LHX5: variants seen among roughly 807,000 people sequenced by gnomAD.
The protein encoded by LHX5 is LIM homeobox 5, also known as LIM/homeobox protein Lhx5.
A neutral mutation model predicts 30.6 loss-of-function variants in LHX5; 5 were observed. The observed-to-expected ratio is 0.16, with a 90% CI of 0.09 to 0.34. LHX5 has a LOEUF of 0.34. Ranked by LOEUF, LHX5 falls within the 10% of genes least tolerant of loss-of-function variation. LHX5 has a pLI of 1.00. For synonymous variants in LHX5, 266 were observed against 252.6 expected, an observed-to-expected ratio of 1.05 and a Z score of -0.50; for missense variants, 458 against 570.6, an observed-to-expected ratio of 0.80 and a Z score of 2.01.
chr12:113,471,793 TGCGGAGCG>T lies in LHX5; in HGVS notation c.-303_-296del. The T allele has an allele frequency of 2.5e-6, 1 of 394,998 alleles. No individual in the cohort carries two copies. The allele number at this position is 394,998 out of a possible 1,614,324, so 24.5% of individuals were successfully genotyped here. ...CTCGGGTGGCTGCTGGCCTCGGCGC[TGCGGAGCG>T]GCTTTCCCCGGTGGCGGAGGCGCCG... is the stretch of plus-strand genomic sequence containing the variant. On this transcript the variant is annotated 5_prime_UTR_variant, in exon 1 of 5. Transcript: ENST00000261731.
At position 113,463,327 on chromosome 12, in the gene LHX5, G is replaced by A; in HGVS notation, c.1072C>T (p.Pro358Ser). ...PDTPSPEPGL[P>S]GTLHPMPGEV... Reference sequence around the variant, plus strand: ...CCGGGCATGGGGTGCAGCGTGCCCGGCAGGCCTGGCTCGGGGCTCGGTGTG... The same window carrying A: ...CCGGGCATGGGGTGCAGCGTGCCCGACAGGCCTGGCTCGGGGCTCGGTGTG... The change falls in exon 5 of 5, where the codon CCG becomes TCG. Residue 358 changes from proline to serine, a missense_variant. Coordinates refer to ENST00000261731, the MANE Select transcript of LHX5 (RefSeq NM_022363.3). This position sits in a 1 kb window ranked among gnomAD's most constrained non-coding sequence, Gnocchi z 6.7. 6.5e-7 allele frequency: 1 copy of A among 1,538,494 alleles called. No homozygotes were observed. The highest frequency in any genetic ancestry group is 1.2e-5 in the South Asian group (1 of 83,490).
Position 113,463,626 on chromosome 12 carries a change from C to T in LHX5, c.842-69G>A, listed in dbSNP as rs35800617. 0.021 allele frequency: 29,638 copies of T among 1,439,518 alleles called. 432 individuals carry two copies. The highest frequency in any genetic ancestry group is 0.051 in the South Asian group (3,582 of 70,808). The allele number at this position is 1,439,518 out of a possible 1,614,324, so 89.2% of individuals were successfully genotyped here. ...GGCGAAGTAGGCGGGGGACCCGGGA[C>T]CCGGGGAGGGGACCCGGGCGGGCGA... On this transcript the variant is annotated intron_variant, in intron 4 of 4. Coordinates refer to ENST00000261731, the MANE Select transcript of LHX5 (RefSeq NM_022363.3). This position sits in a 1 kb window ranked among gnomAD's most constrained non-coding sequence, Gnocchi z 6.7.
At chr12:113,471,245 TG>T in intron 1 of LHX5, 80 bp downstream of exon 1, 4 of 1,425,052 alleles carry the variant, frequency 2.8e-6, no homozygotes, top group East Asian at 4.6e-5. Flanking sequence ...GGGATGGGGA[TG>T]GGGGTATCCC....
In LHX5 at chr12:113,463,282, G is replaced by T; in HGVS notation, c.1117C>A (p.Pro373Thr). The change falls in exon 5 of 5, where the codon CCC becomes ACC. Residue 373 changes from proline to threonine, a missense_variant. This residue lies in a region of LHX5 where 255 missense variants were observed against 246.8 expected (regional missense o/e 1.03). Transcript: ENST00000261731. This position sits in a 1 kb window ranked among gnomAD's most constrained non-coding sequence, Gnocchi z 6.7. ...PMPGEVFSGG[P>T]SPPFPMSGTS... ...CCGCTCATTGGGAAGGGCGGGCTGG[G>T]CCCGCCGCTGAATACCTCGCCGGGC... 6.6e-7 allele frequency: 1 copy of T among 1,523,022 alleles called. No homozygotes were observed. 94.3% of individuals were successfully genotyped at this position (1,523,022 alleles called of 1,614,324 possible). A position where few individuals can be genotyped will look rare whatever the true frequency, so the allele number is the denominator to read the frequency against.
rs1214129471 is a variant in LHX5 at position 113,466,797 on chromosome 12, C to T, written c.841+459G>A. Among the ~76,000 whole-genome samples, 2 of 152,166 alleles carry T rather than the reference C, an allele frequency of 1.3e-5. No individual in the cohort carries two copies. The highest frequency in any genetic ancestry group is 2.9e-5 in the Non-Finnish European group (2 of 68,034). ...GCCAAGTACACCAGGCACAGGGCGG[C>T]AGGAAGGCTGTGCGTCTGTCCGTGG... On this transcript the variant is annotated intron_variant, in intron 4 of 4. Coordinates refer to ENST00000261731, the MANE Select transcript of LHX5 (RefSeq NM_022363.3). The surrounding 1 kb of genome is among the most constrained non-coding windows in gnomAD (Gnocchi z 6.5).
rs182369246 is a variant in LHX5 at position 113,470,904 on chromosome 12, C to T, written c.173+422G>A. ...GCTGAGAAGTTTCTGTTTGGGATTGCGGCCGATGGGCTCACACATTCTGCC... is the reference window on the plus strand; with the variant it reads ...GCTGAGAAGTTTCTGTTTGGGATTGTGGCCGATGGGCTCACACATTCTGCC... On this transcript the variant is annotated intron_variant, in intron 1 of 4. Transcript: ENST00000261731. 9.0e-4 allele frequency among the ~76,000 whole-genome samples: 137 copies of T among 152,336 alleles called. 2 individuals carry two copies. The highest frequency in any genetic ancestry group is 3.2e-3 in the African/African-American group (131 of 41,582).
In LHX5 at chr12:113,463,785, G is replaced by A. The variant is rs962881959; in HGVS notation, c.842-228C>T. Among the ~76,000 whole-genome samples the A allele has an allele frequency of 1.3e-5, 2 of 152,154 alleles. No individual in the cohort carries two copies. On this transcript the variant is annotated intron_variant, in intron 4 of 4. Coordinates refer to ENST00000261731, the MANE Select transcript of LHX5 (RefSeq NM_022363.3). The surrounding 1 kb of genome is among the most constrained non-coding windows in gnomAD (Gnocchi z 6.7). ...AATGAGAGATCTCGAAAGGGCAAGAGACTCAGACTGCCAGAGACCACACAC... is the reference window on the plus strand; with the variant it reads ...AATGAGAGATCTCGAAAGGGCAAGAAACTCAGACTGCCAGAGACCACACAC...
rs116422065 is a variant in LHX5 at position 113,464,316 on chromosome 12, A to C, written c.842-759T>G. Among the ~76,000 whole-genome samples, 3,382 of 152,360 alleles carry C rather than the reference A, an allele frequency of 0.022. 132 individuals are homozygous for C. Among genetic ancestry groups the C allele is most frequent in the African/African-American group, 0.077 (3,189 of 41,592 alleles). On this transcript the variant is annotated intron_variant, in intron 4 of 4. Transcript: ENST00000261731. The surrounding 1 kb of genome is among the most constrained non-coding windows in gnomAD (Gnocchi z 6.2). ...CCGGGGAGAGGAACCGGGCAGGGAC[A>C]AACCAGCGGACAGAGCAGAGCGCGA...
In LHX5 at chr12:113,467,447, C is replaced by T. The variant is rs1958221882; in HGVS notation, c.676-26G>A. On this transcript the variant is annotated intron_variant, in intron 3 of 4. Coordinates refer to ENST00000261731, the MANE Select transcript of LHX5 (RefSeq NM_022363.3). This position sits in a 1 kb window ranked among gnomAD's most constrained non-coding sequence, Gnocchi z 6.3. ...CTGGGACAGAGGAGGGGGCTGTGAA[C>T]CCAGGATCAGGAGTGTCCTCTCCCC... 2.0e-6 allele frequency: 3 copies of T among 1,484,600 alleles called. No individual in the cohort carries two copies. The highest frequency in any genetic ancestry group is 2.7e-6 in the Non-Finnish European group (3 of 1,107,080). 92.0% of individuals were successfully genotyped at this position (1,484,600 alleles called of 1,614,324 possible).
Position 113,471,552 on chromosome 12 carries a change from C to T in LHX5, c.-54G>A. 1.3e-6 allele frequency: 2 copies of T among 1,515,000 alleles called. No homozygotes were observed. The highest frequency in any genetic ancestry group is 1.4e-5 in the African/African-American group (1 of 72,104). The allele number at this position is 1,515,000 out of a possible 1,614,324, so 93.8% of individuals were successfully genotyped here. ...CTTGCCCTCCCTTTGGGCCCCTGGC[C>T]CTCGGGCCTGCCGGGCCCTCCGCTG... On this transcript the variant is annotated 5_prime_UTR_variant, in exon 1 of 5. Coordinates refer to ENST00000261731, the MANE Select transcript of LHX5 (RefSeq NM_022363.3).
In LHX5 at chr12:113,463,362, G is replaced by A. The variant is rs1054650852; in HGVS notation, c.1037C>T (p.Ser346Leu). ...CTCGGGGCTCGGTGTGTCCGGGTGC[G>A]AGATCATGTCGGTGAACCTGGGGTT... ...ADNPRFTDMI[S>L]HPDTPSPEPG... Residue 346 changes from serine to leucine, a missense_variant, in exon 5 of 5, where the codon TCG (serine) becomes TTG (leucine). Around this residue, in one of 3 missense-constraint regions of LHX5, gnomAD observed 255 missense variants for 246.8 expected, o/e 1.03. Coordinates refer to ENST00000261731, the MANE Select transcript of LHX5 (RefSeq NM_022363.3). The surrounding 1 kb of genome is among the most constrained non-coding windows in gnomAD (Gnocchi z 6.7). 1.9e-6 allele frequency: 3 copies of A among 1,550,904 alleles called. No homozygotes were observed. Among genetic ancestry groups the A allele is most frequent in the Non-Finnish European group, 2.6e-6 (3 of 1,149,016 alleles).
rs1228067223 is a variant in LHX5 at position 113,463,072 on chromosome 12, G to A, written c.*118C>T. 6.7e-6 allele frequency: 6 copies of A among 899,988 alleles called. No homozygotes were observed. In the Admixed American group the frequency reaches 1.8e-4, roughly 27 times the overall value. 55.8% of individuals were successfully genotyped at this position (899,988 alleles called of 1,614,324 possible). A position where few individuals can be genotyped will look rare whatever the true frequency, so the allele number is the denominator to read the frequency against. On this transcript the variant is annotated 3_prime_UTR_variant, in exon 5 of 5. Transcript: ENST00000261731. This position sits in a 1 kb window ranked among gnomAD's most constrained non-coding sequence, Gnocchi z 6.7. ...CTGCCAGTTGAGTGCGGACCCGAGA[G>A]AGAACCCCCGAGGGACACCCACGTC...
chr12:113,463,672 C>G lies in LHX5; in HGVS notation c.842-115G>C, dbSNP rs1304161384. 2 of 1,143,592 alleles carry G rather than the reference C, an allele frequency of 1.7e-6. No homozygotes were observed. The highest frequency in any genetic ancestry group is 3.2e-5 in the African/African-American group (2 of 62,376). 70.8% of individuals were successfully genotyped at this position (1,143,592 alleles called of 1,614,324 possible). A position where few individuals can be genotyped will look rare whatever the true frequency, so the allele number is the denominator to read the frequency against. On this transcript the variant is annotated intron_variant, in intron 4 of 4. Coordinates refer to ENST00000261731, the MANE Select transcript of LHX5 (RefSeq NM_022363.3). The surrounding 1 kb of genome is among the most constrained non-coding windows in gnomAD (Gnocchi z 6.7). Reference sequence around the variant, plus strand: ...GGCGAGAGAGGGGAGCGCGCGACACCGACCCAAGGTTAGAGAGACCTGCGG... The same window carrying G: ...GGCGAGAGAGGGGAGCGCGCGACACGGACCCAAGGTTAGAGAGACCTGCGG...
chr12:113,470,963 T>G (rs1404425717), intron 1 of LHX5, among the ~76,000 whole-genome samples: 3 of 152,164 alleles, frequency 2.0e-5, no homozygotes, highest in African/African-American at 7.2e-5. Context: ...CTCTAACTCA[T>G]GCAAAAATCC....
Position 113,465,349 on chromosome 12 carries a change from G to A in LHX5, c.842-1792C>T, listed in dbSNP as rs1205793504. 1.3e-5 allele frequency among the ~76,000 whole-genome samples: 2 copies of A among 152,236 alleles called. No homozygotes were observed. Among genetic ancestry groups the A allele is most frequent in the East Asian group, 1.9e-4 (1 of 5,186 alleles). Reference sequence around the variant, plus strand: ...CAGCGAAGGCCGCTGCCCCCGCGCCGTGCGCGCCGCCTCCGCCCATATGGC... The same window carrying A: ...CAGCGAAGGCCGCTGCCCCCGCGCCATGCGCGCCGCCTCCGCCCATATGGC... On this transcript the variant is annotated intron_variant, in intron 4 of 4. Coordinates refer to ENST00000261731, the MANE Select transcript of LHX5 (RefSeq NM_022363.3). This position sits in a 1 kb window ranked among gnomAD's most constrained non-coding sequence, Gnocchi z 6.7.
At position 113,466,803 on chromosome 12, in the gene LHX5, G is replaced by T. The variant is rs1958217801; in HGVS notation, c.841+453C>A. Among the ~76,000 whole-genome samples the T allele has an allele frequency of 6.6e-6, 1 of 152,194 alleles. No homozygotes were observed. ...TACACCAGGCACAGGGCGGCAGGAA[G>T]GCTGTGCGTCTGTCCGTGGGGGCCG... On this transcript the variant is annotated intron_variant, in intron 4 of 4. Coordinates refer to ENST00000261731, the MANE Select transcript of LHX5 (RefSeq NM_022363.3). The surrounding 1 kb of genome is among the most constrained non-coding windows in gnomAD (Gnocchi z 6.5).
rs572024022 is a variant in LHX5, at chr12:113,467,118, T to C, written c.841+138A>G. 1.5e-4 allele frequency: 113 copies of C among 767,576 alleles called. No individual in the cohort carries two copies. Among genetic ancestry groups the C allele is most frequent in the Admixed American group, 2.5e-4 (7 of 27,486 alleles). 47.5% of individuals were successfully genotyped at this position (767,576 alleles called of 1,614,324 possible). On this transcript the variant is annotated intron_variant, in intron 4 of 4. Transcript: ENST00000261731. This position sits in a 1 kb window ranked among gnomAD's most constrained non-coding sequence, Gnocchi z 6.3. Reference sequence around the variant, plus strand: ...TTTGTGTCCAGGACATGTGGGTGAGTGTACATGTGTCTGTGATCGTGTGTC... The same window carrying C: ...TTTGTGTCCAGGACATGTGGGTGAGCGTACATGTGTCTGTGATCGTGTGTC...
chr12:113,471,392 T>C lies in LHX5; in HGVS notation c.107A>G (p.Lys36Arg), dbSNP rs1958250021. The C allele has an allele frequency of 6.2e-7, 1 of 1,613,900 alleles. No individual in the cohort carries two copies. The highest frequency in any genetic ancestry group is 8.5e-7 in the Non-Finnish European group (1 of 1,179,934). ...GAAGCACTTCTCCGAGAGGTTGGTT[T>C]TGCACTCGCAGCACTGAACACATTT... is the stretch of plus-strand genomic sequence containing the variant. ...HIKCVQCCEC[K>R]TNLSEKCFSR... The change falls in exon 1 of 5, where the codon AAA becomes AGA. Residue 36 changes from lysine to arginine, a missense_variant. This residue lies in a region of LHX5 where 178 missense variants were observed against 238.5 expected (regional missense o/e 0.75). Transcript: ENST00000261731.
chr12:113,463,339 CG>C lies in LHX5; in HGVS notation c.1059del (p.Glu354SerfsTer26). 1 of 1,540,900 alleles carries C rather than the reference CG, an allele frequency of 6.5e-7. No homozygotes were observed. On this transcript the variant is annotated frameshift_variant, in exon 5 of 5. Transcript: ENST00000261731. LOFTEE classifies it high-confidence loss of function. This position sits in a 1 kb window ranked among gnomAD's most constrained non-coding sequence, Gnocchi z 6.7. Reference protein sequence around the residue: ...DMISHPDTPSPEPGLPGTLHP... With the variant: ...DMISHPDTPSXEPGLPGTLHP... ...TGCAGCGTGCCCGGCAGGCCTGGCTCGGGGCTCGGTGTGTCCGGGTGCGAGA... is the reference window on the plus strand; with the variant it reads ...TGCAGCGTGCCCGGCAGGCCTGGCTCGGGCTCGGTGTGTCCGGGTGCGAGA...
Sources: gnomAD v4.1 joint callset for allele counts (sites outside exome capture counted in the v4.1 genomes callset) on GRCh38, gnomAD v4.1.1 for gene constraint, gnomAD v4.1.1 regional missense constraint, Gnocchi (gnomAD v3.1) non-coding constraint, MANE v1.5 for transcripts, NCBI Gene and HGNC (gene_info 2026-07-23, HGNC 2026-07-21) for gene names.